Variants in MRAP2 observed in about 807,000 individuals in gnomAD.
MRAP2 encodes the protein melanocortin 2 receptor accessory protein 2.
Under a neutral mutation model 17.4 loss-of-function variants are expected in MRAP2, and 20 were observed. That is an observed-to-expected ratio of 1.15 (90% CI 0.81 to 1.67). The LOEUF (loss-of-function observed/expected upper bound fraction) is 1.67. Ranked by LOEUF, MRAP2 falls within the 40% of genes most tolerant of loss-of-function variation. MRAP2 has a pLI of 0.00. For synonymous variants in MRAP2, 96 were observed against 88.4 expected (o/e 1.09, Z -0.48); for missense variants, 238 against 240.0 (o/e 0.99, Z 0.05).
downstream of MRAP2, among the ~76,000 whole-genome samples, chr6:84,095,811 G>A (rs1368864696): frequency 6.6e-6 from 1 of 152,226 alleles, no homozygotes; most frequent in Non-Finnish European, 1.5e-5. Flanking sequence ...AGCTTGTGCT[G>A]ATTCTCGAGG....
chr6:84,033,832 G>A lies in MRAP2; in HGVS notation c.-59G>A. 1.0e-6 allele frequency: 1 copy of A among 977,476 alleles called. No homozygotes were observed. The highest frequency in any genetic ancestry group is 1.2e-6 in the Non-Finnish European group (1 of 831,120). 60.6% of individuals were successfully genotyped at this position (977,476 alleles called of 1,614,324 possible). A position where few individuals can be genotyped will look rare whatever the true frequency, so the allele number is the denominator to read the frequency against. ...GCGGCGGCGCTCGCGCACCTCGGAG[G>A]AGCCAGGAGCCGGAACCAGGGCCGA... On this transcript the variant is annotated 5_prime_UTR_variant, in exon 1 of 4. Coordinates refer to ENST00000257776, the MANE Select transcript of MRAP2 (RefSeq NM_138409.4).
At chr6:84,124,660 A>C in the MRAP2 span, 2 of 237,970 alleles carry the variant, frequency 8.4e-6, no homozygotes, top group Non-Finnish European at 1.6e-5. Context: ...GGTACACTAG[A>C]AGCCCAATTC....
chr6:84,033,208 C>T (rs2099485007), upstream of MRAP2, among the ~76,000 whole-genome samples: 1 of 152,204 alleles, frequency 6.6e-6, no homozygotes, highest in Non-Finnish European at 1.5e-5. Flanking sequence ...ATTCCCAGAT[C>T]AATGCCTGGC....
chr6:84,122,434 G>A, the MRAP2 span, among the ~76,000 whole-genome samples: 444 of 141,946 alleles, frequency 3.1e-3, 2 homozygotes, highest in African/African-American at 0.011. Context: ...TCAACATACA[G>A]AAATCAATAA....
chr6:84,092,904 T>C (rs1369667690), downstream of MRAP2, among the ~76,000 whole-genome samples: 3 of 151,926 alleles, frequency 2.0e-5, no homozygotes, highest in African/African-American at 7.3e-5. Context: ...AAGGAAAAAA[T>C]GAATCATCAG....
rs1562891558 is a variant in MRAP2 at position 84,084,859 on chromosome 6, CTTTA to C, written c.228-4228_228-4225del. Among the ~76,000 whole-genome samples the C allele has an allele frequency of 5.6e-3, 769 of 136,990 alleles. 4 individuals are homozygous for C. Among genetic ancestry groups the C allele is most frequent in the Non-Finnish European group, 0.01 (646 of 64,396 alleles). The allele number at this position is 136,990 out of a possible 152,430, so 89.9% of individuals were successfully genotyped here. A position where few individuals can be genotyped will look rare whatever the true frequency, so the allele number is the denominator to read the frequency against. On this transcript the variant is annotated intron_variant, in intron 3 of 3. Transcript: ENST00000257776. Reference sequence around the variant, plus strand: ...GGTATTTGAGAATCTCATTTCATTTCTTTATTTTATTTTATTTTATTTTATTTTA... The same window carrying C: ...GGTATTTGAGAATCTCATTTCATTTCTTTTATTTTATTTTATTTTATTTTA...
At chr6:84,113,437 G>A in the MRAP2 span, among the ~76,000 whole-genome samples, 1 of 152,090 alleles carries the variant, frequency 6.6e-6, no homozygotes, top group Non-Finnish European at 1.5e-5. Context: ...CATTTGCCTT[G>A]TAAATCTTCC....
the MRAP2 span, among the ~76,000 whole-genome samples, chr6:84,134,545 G>A: frequency 6.6e-6 from 1 of 152,148 alleles, no homozygotes; most frequent in East Asian, 1.9e-4. Flanking sequence ...AACTGGGCTG[G>A]AGTGCACCGT....
rs148785929 is a variant in MRAP2, at chr6:84,079,883, G to C, written c.228-9208G>C. 3.9e-5 allele frequency among the ~76,000 whole-genome samples: 6 copies of C among 152,286 alleles called. No individual in the cohort carries two copies. The East Asian group carries it at 1.2e-3, about 29-fold the overall frequency. ...TTGCTGGGTAGATGTCCTTGTAGAA[G>C]TATTTTTTTGTTGTAAGACTGAGAT... On this transcript the variant is annotated intron_variant, in intron 3 of 3. Transcript: ENST00000257776.
In MRAP2 at chr6:84,069,100, T is replaced by C. The variant is rs1347993190; in HGVS notation, c.227+6108T>C. Among the ~76,000 whole-genome samples the C allele has an allele frequency of 2.6e-5, 4 of 152,072 alleles. No homozygotes were observed. In the East Asian group the frequency reaches 7.7e-4, roughly 29 times the overall value. On this transcript the variant is annotated intron_variant, in intron 3 of 3. Coordinates refer to ENST00000257776, the MANE Select transcript of MRAP2 (RefSeq NM_138409.4). ...TTTGGATGCCCTTTATTTCTTTCTCTTGTCTGATTGCTCTGGCTAGGACTT... is the reference window on the plus strand; with the variant it reads ...TTTGGATGCCCTTTATTTCTTTCTCCTGTCTGATTGCTCTGGCTAGGACTT...
chr6:84,106,178 T>G, the MRAP2 span, among the ~76,000 whole-genome samples: 2 of 152,188 alleles, frequency 1.3e-5, no homozygotes, highest in Non-Finnish European at 2.9e-5. Context: ...GACCAGTGAA[T>G]TCCATGAACA....
At chr6:84,141,335 G>A in the MRAP2 span, among the ~76,000 whole-genome samples, 1 of 151,926 alleles carries the variant, frequency 6.6e-6, no homozygotes, top group Non-Finnish European at 1.5e-5. Flanking sequence ...ATTTAAAAGA[G>A]GGCATAAAAG....
intron 2 of MRAP2, 45 bp downstream of exon 2, chr6:84,055,490 C>G (rs777770015): frequency 1.3e-6 from 2 of 1,581,804 alleles, no homozygotes; most frequent in Admixed American, 1.8e-5. Flanking sequence ...TTGTATTTCT[C>G]TTAACCTGTG....
the MRAP2 span, among the ~76,000 whole-genome samples, chr6:84,132,023 G>T: frequency 2.0e-5 from 3 of 152,162 alleles, no homozygotes; most frequent in Non-Finnish European, 4.4e-5. Context: ...AGGAGCTCTT[G>T]TAAGGCATGC....
rs752285779 is a variant in MRAP2 at position 84,089,271 on chromosome 6, A to G, written c.408A>G (p.Thr136=). The G allele has an allele frequency of 6.2e-7, 1 of 1,614,228 alleles. No homozygotes were observed. The highest frequency in any genetic ancestry group is 1.7e-5 in the Admixed American group (1 of 60,030). The change falls in exon 4 of 4, where the codon ACA becomes ACG. Residue 136 remains threonine, a synonymous_variant. Transcript: ENST00000257776. ...LDRAKACHQT[T]ALDSDVQLQE... ...GAGCCAAAGCTTGTCACCAGACCACAGCCCTTGACAGTGACGTCCAACTCC... is the reference window on the plus strand; with the variant it reads ...GAGCCAAAGCTTGTCACCAGACCACGGCCCTTGACAGTGACGTCCAACTCC...
intron 3 of MRAP2, among the ~76,000 whole-genome samples, chr6:84,080,095 A>G (rs925648162): frequency 6.6e-6 from 1 of 151,476 alleles, no homozygotes; most frequent in African/African-American, 2.4e-5. Context: ...GTGCAGTGGC[A>G]TGGTCTTTGC....
At chr6:84,113,319 C>T in the MRAP2 span, among the ~76,000 whole-genome samples, 3 of 152,136 alleles carry the variant, frequency 2.0e-5, no homozygotes, top group African/African-American at 7.2e-5. Context: ...CTTCTTGTTG[C>T]ATTGATCCCT....
chr6:84,119,936 A>G, the MRAP2 span, among the ~76,000 whole-genome samples: 2 of 152,342 alleles, frequency 1.3e-5, no homozygotes, highest in East Asian at 1.9e-4. Flanking sequence ...TCTATTAGTC[A>G]GGGTTCTTTA....
chr6:84,083,790 A>G (rs1340325748), intron 3 of MRAP2, among the ~76,000 whole-genome samples: 1 of 152,204 alleles, frequency 6.6e-6, no homozygotes, highest in African/African-American at 2.4e-5. Flanking sequence ...GATCTCTTTA[A>G]TATATTTTAG....
Sources: gnomAD v4.1 joint callset for allele counts (sites outside exome capture counted in the v4.1 genomes callset) on GRCh38, gnomAD v4.1.1 for gene constraint, MANE v1.5 for transcripts, NCBI Gene and HGNC (gene_info 2026-07-23, HGNC 2026-07-21) for gene names.